Variants in WWOX observed in about 807,000 individuals in gnomAD.
WWOX encodes WW domain-containing oxidoreductase.
A neutral mutation model predicts 46.2 loss-of-function variants in WWOX; 69 were observed. The ratio of observed to expected loss-of-function variants is 1.49; its 90% confidence interval spans 1.23 to 1.82. The LOEUF (loss-of-function observed/expected upper bound fraction) is 1.82. WWOX is among the 40% of genes most tolerant of loss of function. The probability of loss-of-function intolerance (pLI) is 0.00; values close to 1 mark genes in which losing one functional copy is unlikely to be tolerated. For synonymous variants in WWOX, 359 were observed against 202.6 expected (o/e 1.77, Z -6.56); for missense variants, 919 against 542.6 (o/e 1.69, Z -6.89).
chr16:78,838,508 C>A lies in WWOX; in HGVS notation c.1057-373100C>A, dbSNP rs546561899. Among the ~76,000 whole-genome samples, 318 of 152,264 alleles carry A rather than the reference C, an allele frequency of 2.1e-3. 1 individual carries two copies. The highest frequency in any genetic ancestry group is 7.3e-3 in the African/African-American group (302 of 41,552). On this transcript the variant is annotated intron_variant, in intron 8 of 8. Transcript: ENST00000566780. ...CCCAAAAGATTACATTGGTAGGATT[C>A]CATTTACATAATGTTCTTGAAATTA...
chr16:78,154,256 C>T lies in WWOX; in HGVS notation c.410-9927C>T, dbSNP rs962245157. On this transcript the variant is annotated intron_variant, in intron 4 of 8. Transcript: ENST00000566780. ...AAGAGGGCACCTCGTCCATTTCTGG[C>T]TGGTCACAAGGCCACAGTATCTTGA... Among the ~76,000 whole-genome samples, 10 of 152,282 alleles carry T rather than the reference C, an allele frequency of 6.6e-5. No individual in the cohort carries two copies. The East Asian group carries it at 1.9e-3, about 29-fold the overall frequency.
intron 5 of WWOX, among the ~76,000 whole-genome samples, chr16:78,232,117 C>T (rs1470861070): frequency 6.6e-6 from 1 of 152,048 alleles, no homozygotes; most frequent in South Asian, 2.1e-4. Flanking sequence ...GTAAGTATAC[C>T]TTATTTTTTT....
intron 8 of WWOX, among the ~76,000 whole-genome samples, chr16:78,536,228 C>A (rs752075708): frequency 6.6e-6 from 1 of 152,124 alleles, no homozygotes. Context: ...CTTTTGCCCC[C>A]ACCAAAATGA....
At position 78,281,566 on chromosome 16, in the gene WWOX, G is replaced by T. The variant is rs542954436; in HGVS notation, c.517-105294G>T. On this transcript the variant is annotated intron_variant, in intron 5 of 8. Coordinates refer to ENST00000566780, the MANE Select transcript of WWOX (RefSeq NM_016373.4). ...TATTTAATAAATATTTTGGGGCCTT[G>T]TAGTGTTTGTTGCCAACTACTCAAC... 1.4e-3 allele frequency among the ~76,000 whole-genome samples: 210 copies of T among 152,306 alleles called. 1 individual carries two copies. Among genetic ancestry groups the T allele is most frequent in the Non-Finnish European group, 2.3e-3 (156 of 68,018 alleles).
chr16:78,440,231 G>C (rs1430162245), intron 8 of WWOX, among the ~76,000 whole-genome samples: 3 of 152,178 alleles, frequency 2.0e-5, no homozygotes, highest in Admixed American at 6.5e-5. Context: ...GTGAGAAGAA[G>C]TGAGAATTGA....
At chr16:79,181,593 A>G (rs1424178029) in intron 8 of WWOX, among the ~76,000 whole-genome samples, 1 of 152,066 alleles carries the variant, frequency 6.6e-6, no homozygotes, top group Non-Finnish European at 1.5e-5. Context: ...ACTTCATCAT[A>G]TAGTTGTACC....
At chr16:79,138,110 C>T (rs1034791793) in intron 8 of WWOX, among the ~76,000 whole-genome samples, 2 of 152,132 alleles carry the variant, frequency 1.3e-5, no homozygotes, top group South Asian at 2.1e-4. Context: ...ACAGCAGGGG[C>T]CACAGCCAGA....
At chr16:78,802,241 A>AT (rs2050910078) in intron 8 of WWOX, among the ~76,000 whole-genome samples, 1 of 130,992 alleles carries the variant, frequency 7.6e-6, no homozygotes, top group Admixed American at 8.7e-5. Context: ...TGTTTACTGA[A>AT]TGCGTGCAAG....
rs183589135 is a variant in WWOX at position 78,979,169 on chromosome 16, A to G, written c.1057-232439A>G. On this transcript the variant is annotated intron_variant, in intron 8 of 8. Transcript: ENST00000566780. ...CTTGGGTCTTATCTTGTTTTATGCT[A>G]CATGCATGTGGCTTCCCCCGTTACA... Among the ~76,000 whole-genome samples, 779 of 150,304 alleles carry G rather than the reference A, an allele frequency of 5.2e-3. 8 individuals carry two copies. Among genetic ancestry groups the G allele is most frequent in the African/African-American group, 0.018 (740 of 40,660 alleles).
At chr16:78,946,312 C>A (rs2045947315) in intron 8 of WWOX, among the ~76,000 whole-genome samples, 1 of 152,052 alleles carries the variant, frequency 6.6e-6, no homozygotes, top group Non-Finnish European at 1.5e-5. Context: ...GTCTCAGTCT[C>A]CCAAGTAGCT....
intron 4 of WWOX, among the ~76,000 whole-genome samples, chr16:78,156,663 C>T (rs1465875222): frequency 6.6e-6 from 1 of 152,148 alleles, no homozygotes; most frequent in Non-Finnish European, 1.5e-5. Context: ...GTGGCTCACG[C>T]CTGTAATCCC....
chr16:79,169,787 C>G (rs1256630946), intron 8 of WWOX, among the ~76,000 whole-genome samples: 1 of 152,210 alleles, frequency 6.6e-6, no homozygotes, highest in Non-Finnish European at 1.5e-5. Context: ...AGGGACTACC[C>G]TTTTCCTCCC....
At chr16:78,934,025 C>T (rs13339656) in intron 8 of WWOX, among the ~76,000 whole-genome samples, 1 of 151,792 alleles carries the variant, frequency 6.6e-6, no homozygotes, top group Non-Finnish European at 1.5e-5. Flanking sequence ...GACACCGTCT[C>T]TCAAAAAAAT....
chr16:79,074,899 T>A (rs894259121), intron 8 of WWOX, among the ~76,000 whole-genome samples: 34 of 150,662 alleles, frequency 2.3e-4, no homozygotes, highest in South Asian at 1.5e-3. Flanking sequence ...AAAAGAAAAA[T>A]AAACGTTTTG....
At chr16:78,303,643 C>G (rs1240213718) in intron 5 of WWOX, among the ~76,000 whole-genome samples, 1 of 152,222 alleles carries the variant, frequency 6.6e-6, no homozygotes, top group Non-Finnish European at 1.5e-5. Flanking sequence ...CTCCCGGTTT[C>G]AAGCGATTCT....
intron 5 of WWOX, among the ~76,000 whole-genome samples, chr16:78,258,998 C>T (rs1469841750): frequency 1.3e-5 from 2 of 152,160 alleles, no homozygotes; most frequent in East Asian, 3.9e-4. Flanking sequence ...TCATTCCTTA[C>T]CTCAGACGTG....
chr16:78,886,637 A>AAC (rs936510173), intron 8 of WWOX, among the ~76,000 whole-genome samples: 1 of 87,426 alleles, frequency 1.1e-5, no homozygotes, highest in African/African-American at 6.8e-5. Flanking sequence ...TACAAAGAAA[A>AAC]ACATATATAT....
At chr16:78,970,279 A>G (rs1346685531) in intron 8 of WWOX, among the ~76,000 whole-genome samples, 3 of 152,140 alleles carry the variant, frequency 2.0e-5, no homozygotes, top group African/African-American at 2.4e-5. Context: ...TGCCCGAATC[A>G]TTTTCTTTGA....
intron 8 of WWOX, among the ~76,000 whole-genome samples, chr16:78,958,679 C>T (rs1165774003): frequency 6.6e-6 from 1 of 152,164 alleles, no homozygotes; most frequent in African/African-American, 2.4e-5. Context: ...TTGGTATTCT[C>T]AGACAACTGA....
Sources: allele counts gnomAD v4.1 joint callset (sites outside exome capture counted in the v4.1 genomes callset), GRCh38; gene constraint gnomAD v4.1.1; transcripts MANE v1.5; gene names NCBI Gene and HGNC (gene_info 2026-07-23, HGNC 2026-07-21).